Variants in SLC9C1 observed in about 807,000 individuals in gnomAD.
SLC9C1 encodes sodium/hydrogen exchanger 10.
In SLC9C1, 97 loss-of-function variants were observed where a neutral mutation model predicts 140.9. That is an observed-to-expected ratio of 0.69 (90% CI 0.58 to 0.82). SLC9C1 has a LOEUF of 0.82. Among genes scored for constraint, SLC9C1 ranks in the 40% least tolerant of loss-of-function variants. The pLI is 0.00. For missense variants in SLC9C1, 1,340 were observed against 1,389.3 expected, an observed-to-expected ratio of 0.96 and a Z score of 0.56; for synonymous variants, 440 against 442.6, an observed-to-expected ratio of 0.99 and a Z score of 0.07.
At chr3:112,254,703 G>A (rs1056783579) in intron 10 of SLC9C1, among the ~76,000 whole-genome samples, 1 of 151,932 alleles carries the variant, frequency 6.6e-6, no homozygotes. Context: ...ATAATAACCA[G>A]CTAACAACAC....
At chr3:112,188,863 G>T (rs539597695) in intron 20 of SLC9C1, among the ~76,000 whole-genome samples, 101 of 152,286 alleles carry the variant, frequency 6.6e-4, no homozygotes, top group Middle Eastern at 3.4e-3. Flanking sequence ...GTGTAAAAGT[G>T]TTGCTATTTC....
intron 26 of SLC9C1, among the ~76,000 whole-genome samples, chr3:112,157,142 C>T (rs908216863): frequency 2.0e-5 from 3 of 151,830 alleles, no homozygotes; most frequent in Non-Finnish European, 4.4e-5. Context: ...TGTAGTTTTA[C>T]AGTTTTAGGT....
At chr3:112,233,947 G>C (rs1247898381) in intron 12 of SLC9C1, among the ~76,000 whole-genome samples, 3 of 152,150 alleles carry the variant, frequency 2.0e-5, no homozygotes, top group African/African-American at 7.2e-5. Flanking sequence ...ACATACGTGT[G>C]CATGTGTCTT....
intron 2 of SLC9C1, among the ~76,000 whole-genome samples, chr3:112,282,665 GA>G (rs57666550): frequency 0.69 from 103,619 of 150,788 alleles, 36,107 homozygotes; most frequent in African/African-American, 0.81. Flanking sequence ...AGTTAATAAT[GA>G]AAAAAAAAAA....
intron 20 of SLC9C1, chr3:112,185,787 C>T: frequency 1.9e-6 from 3 of 1,554,110 alleles, no homozygotes; most frequent in Non-Finnish European, 1.7e-6. Flanking sequence ...GATGCGGCTG[C>T]GAGAGGGCAC....
At chr3:112,166,702 A>T (rs1347194233) in intron 26 of SLC9C1, among the ~76,000 whole-genome samples, 1 of 152,010 alleles carries the variant, frequency 6.6e-6, no homozygotes, top group Non-Finnish European at 1.5e-5. Flanking sequence ...TAATTTTTAA[A>T]TTTTTAATAT....
At chr3:112,284,357 A>G (rs991646032) in intron 2 of SLC9C1, among the ~76,000 whole-genome samples, 2 of 152,250 alleles carry the variant, frequency 1.3e-5, no homozygotes, top group African/African-American at 2.4e-5. Context: ...CCAAAGTGAT[A>G]ACTTTAGTTA....
Position 112,182,254 on chromosome 3 carries a change from A to G in SLC9C1, c.2528T>C (p.Ile843Thr). The G allele has an allele frequency of 1.3e-6, 2 of 1,598,900 alleles. No individual in the cohort carries two copies. The highest frequency in any genetic ancestry group is 2.3e-5 in the South Asian group (2 of 87,004). The change falls in exon 21 of 29, where the codon ATC becomes ACC. Residue 843 changes from isoleucine to threonine, a missense_variant. Ile to Thr is a moderately conservative substitution (Grantham distance 89). Coordinates refer to ENST00000305815, the MANE Select transcript of SLC9C1 (RefSeq NM_183061.3). Reference protein sequence around the residue: ...KTEGAGINKLIMAKKKEVLDS... With the variant: ...KTEGAGINKLTMAKKKEVLDS... ...AAGCACCTCTTTCTTTTTGGCCATGATTAACTAAAACATAAAATTTAAGAA... is the reference window on the plus strand; with the variant it reads ...AAGCACCTCTTTCTTTTTGGCCATGGTTAACTAAAACATAAAATTTAAGAA...
intron 26 of SLC9C1, among the ~76,000 whole-genome samples, chr3:112,157,288 A>T (rs2075152432): frequency 6.6e-6 from 1 of 151,798 alleles, no homozygotes; most frequent in Non-Finnish European, 1.5e-5. Context: ...CCTTTCCCCA[A>T]TGTATGTTCT....
intron 15 of SLC9C1, among the ~76,000 whole-genome samples, chr3:112,217,197 G>T (rs2108105864): frequency 6.6e-6 from 1 of 152,238 alleles, no homozygotes; most frequent in Middle Eastern, 3.4e-3. Context: ...ACACACTGGG[G>T]CCTGTTGTGG....
At chr3:112,244,436 A>C (rs4274720) in intron 10 of SLC9C1, among the ~76,000 whole-genome samples, 138,996 of 152,244 alleles carry the variant, frequency 0.91, 63,692 homozygotes, top group East Asian at 1. Flanking sequence ...CCACTATACA[A>C]ACCTGGCTGT....
chr3:112,157,584 C>A (rs2075163101), intron 26 of SLC9C1, among the ~76,000 whole-genome samples: 1 of 151,848 alleles, frequency 6.6e-6, no homozygotes, highest in Non-Finnish European at 1.5e-5. Flanking sequence ...ATAGGCCTTG[C>A]ATTGGATTTA....
At position 112,280,745 on chromosome 3, in the gene SLC9C1, C is replaced by G. The variant is rs2080335945; in HGVS notation, c.127G>C (p.Val43Leu). ...NRHLEDFPIP[V>L]PVILFLLGCS... Reference sequence around the variant, plus strand: ...CCAAGTAAAAATAATATCACAGGGACAGGAATTGGAAAGTCTTCCAAGTGC... The same window carrying G: ...CCAAGTAAAAATAATATCACAGGGAGAGGAATTGGAAAGTCTTCCAAGTGC... The change falls in exon 3 of 29, where the codon GTC (valine) becomes CTC (leucine). Residue 43 changes from valine to leucine, a missense_variant. Coordinates refer to ENST00000305815, the MANE Select transcript of SLC9C1 (RefSeq NM_183061.3). 1 of 1,612,076 alleles carries G rather than the reference C, an allele frequency of 6.2e-7. No homozygotes were observed. The highest frequency in any genetic ancestry group is 8.5e-7 in the Non-Finnish European group (1 of 1,179,526).
At chr3:112,274,015 C>T (rs2080147049) in intron 6 of SLC9C1, among the ~76,000 whole-genome samples, 1 of 152,060 alleles carries the variant, frequency 6.6e-6, no homozygotes, top group African/African-American at 2.4e-5. Flanking sequence ...AATTGCTTTT[C>T]CAAAACCAGC....
At chr3:112,281,803 G>A (rs1334919644) in intron 2 of SLC9C1, among the ~76,000 whole-genome samples, 2 of 152,190 alleles carry the variant, frequency 1.3e-5, no homozygotes, top group African/African-American at 4.8e-5. Flanking sequence ...TCAAATTTAT[G>A]TTGACACTTG....
At chr3:112,256,813 C>A (rs375306753) in intron 10 of SLC9C1, among the ~76,000 whole-genome samples, 1 of 152,056 alleles carries the variant, frequency 6.6e-6, no homozygotes, top group Non-Finnish European at 1.5e-5. Context: ...ATCTAGAAAA[C>A]CCCATAGTTG....
At chr3:112,188,823 T>C (rs1478205300) in intron 20 of SLC9C1, among the ~76,000 whole-genome samples, 1 of 152,256 alleles carries the variant, frequency 6.6e-6, no homozygotes, top group African/African-American at 2.4e-5. Flanking sequence ...TCTTCCACAA[T>C]GGTTGAACTA....
At position 112,270,170 on chromosome 3, in the gene SLC9C1, CT is replaced by C. The variant is rs1383596044; in HGVS notation, c.614-94del. The C allele has an allele frequency of 3.8e-5, 49 of 1,293,684 alleles. No homozygotes were observed. The East Asian group carries it at 1.3e-3, about 34-fold the overall frequency. 80.1% of individuals were successfully genotyped at this position (1,293,684 alleles called of 1,614,324 possible). A position where few individuals can be genotyped will look rare whatever the true frequency, so the allele number is the denominator to read the frequency against. Reference sequence around the variant, plus strand: ...TGTTAATTTTCCTTTTTGTCATTATCTTTAAAATTAGCTAACTGCCACAATG... The same window carrying C: ...TGTTAATTTTCCTTTTTGTCATTATCTTAAAATTAGCTAACTGCCACAATG... On this transcript the variant is annotated intron_variant, in intron 6 of 28. Transcript: ENST00000305815.
intron 13 of SLC9C1, among the ~76,000 whole-genome samples, chr3:112,222,872 A>G (rs994450623): frequency 1.3e-5 from 2 of 152,164 alleles, no homozygotes; most frequent in African/African-American, 4.8e-5. Context: ...TTGCATAAAA[A>G]TCATTCCTTT....
Sources: allele counts gnomAD v4.1 joint callset (sites outside exome capture counted in the v4.1 genomes callset), GRCh38; gene constraint gnomAD v4.1.1; transcripts MANE v1.5; gene names NCBI Gene and HGNC (gene_info 2026-07-23, HGNC 2026-07-21).